The following PDE10A variants were observed in gnomAD, a reference collection of about 807,000 sequenced individuals.
PDE10A encodes the protein cAMP and cAMP-inhibited cGMP 3',5'-cyclic phosphodiesterase 10A.
A neutral mutation model predicts 97.7 loss-of-function variants in PDE10A; 39 were observed. The observed-to-expected ratio is 0.40, with a 90% CI of 0.31 to 0.52. The LOEUF is 0.52. Among genes scored for constraint, PDE10A ranks in the 20% least tolerant of loss-of-function variants. The probability of loss-of-function intolerance (pLI) is 0.56; values close to 1 mark genes in which losing one functional copy is unlikely to be tolerated. For missense variants in PDE10A, 731 were observed against 1,047.8 expected (o/e 0.70, Z 4.17); for synonymous variants, 371 against 376.8 (o/e 0.98, Z 0.18).
intron 1 of PDE10A, among the ~76,000 whole-genome samples, chr6:165,642,362 G>T (rs1221525226): frequency 6.6e-6 from 1 of 152,220 alleles, no homozygotes; most frequent in African/African-American, 2.4e-5. Context: ...GGTCATGGAC[G>T]TCCATCTGTG....
At chr6:165,789,568 A>G (rs1335010684) in intron 1 of PDE10A, among the ~76,000 whole-genome samples, 2 of 152,216 alleles carry the variant, frequency 1.3e-5, no homozygotes, top group Non-Finnish European at 2.9e-5. Context: ...TTTGGTTAAA[A>G]TAATAATTAC....
intron 1 of PDE10A, among the ~76,000 whole-genome samples, chr6:165,643,028 C>T (rs1000449754): frequency 1.3e-5 from 2 of 152,196 alleles, no homozygotes; most frequent in Admixed American, 6.5e-5. Context: ...AGCCATTCTC[C>T]AGTGGCAAGT....
chr6:165,373,245 A>C (rs9459402), intron 18 of PDE10A, among the ~76,000 whole-genome samples: 67,185 of 148,900 alleles, frequency 0.45, 15,661 homozygotes, highest in African/African-American at 0.59. Context: ...TAATTAAACT[A>C]AAGAGCTTCT....
At chr6:165,748,008 A>C (rs1223679519) in intron 1 of PDE10A, among the ~76,000 whole-genome samples, 1 of 152,092 alleles carries the variant, frequency 6.6e-6, no homozygotes, top group Non-Finnish European at 1.5e-5. Context: ...CAATAGCCCC[A>C]ATTGGTGCTC....
chr6:165,954,875 AG>A (rs1157570413), intron 1 of PDE10A, among the ~76,000 whole-genome samples: 2 of 152,032 alleles, frequency 1.3e-5, no homozygotes, highest in Admixed American at 1.3e-4. Flanking sequence ...AGCAGAGACA[AG>A]CAAGGGAGAA....
intron 1 of PDE10A, among the ~76,000 whole-genome samples, chr6:165,969,312 G>T (rs1562334000): frequency 6.6e-6 from 1 of 152,162 alleles, no homozygotes; most frequent in Admixed American, 6.5e-5. Flanking sequence ...TAGAGGAGGA[G>T]GGTGGTGGCT....
chr6:165,748,388 T>G (rs910793672), intron 1 of PDE10A, among the ~76,000 whole-genome samples: 5 of 152,198 alleles, frequency 3.3e-5, no homozygotes, highest in African/African-American at 1.2e-4. Flanking sequence ...TCAGTCTGGG[T>G]ACTGTGCTTT....
At chr6:165,766,674 G>T (rs994513860) in intron 1 of PDE10A, among the ~76,000 whole-genome samples, 1 of 152,216 alleles carries the variant, frequency 6.6e-6, no homozygotes, top group Non-Finnish European at 1.5e-5. Flanking sequence ...TTTTGTATAA[G>T]CCAGGAAATG....
At chr6:165,616,593 T>C (rs1265950718) in intron 1 of PDE10A, among the ~76,000 whole-genome samples, 1 of 152,196 alleles carries the variant, frequency 6.6e-6, no homozygotes, top group Non-Finnish European at 1.5e-5. Context: ...ATGTTAACGC[T>C]CTTGGCTTGG....
chr6:165,443,002 C>T (rs1242477303), intron 5 of PDE10A, among the ~76,000 whole-genome samples: 1 of 150,598 alleles, frequency 6.6e-6, no homozygotes, highest in Non-Finnish European at 1.5e-5. Context: ...GTCCCAGCTA[C>T]TCAGGAGGTT....
At chr6:165,787,698 A>C (rs1162988190) in intron 1 of PDE10A, among the ~76,000 whole-genome samples, 1 of 152,198 alleles carries the variant, frequency 6.6e-6, no homozygotes, top group Admixed American at 6.5e-5. Flanking sequence ...TCCATTCAAT[A>C]AAACTCATTG....
intron 1 of PDE10A, among the ~76,000 whole-genome samples, chr6:165,967,316 G>A (rs897126827): frequency 6.6e-6 from 1 of 152,208 alleles, no homozygotes; most frequent in Non-Finnish European, 1.5e-5. Flanking sequence ...GGCCATCATG[G>A]TGAAACCCCA....
At chr6:165,801,183 C>T (rs566925775) in intron 1 of PDE10A, among the ~76,000 whole-genome samples, 4 of 152,348 alleles carry the variant, frequency 2.6e-5, no homozygotes, top group African/African-American at 7.2e-5. Flanking sequence ...ACATCATTGT[C>T]ATGAACAGCA....
chr6:165,777,643 A>G (rs1240587603), intron 1 of PDE10A, among the ~76,000 whole-genome samples: 2 of 152,124 alleles, frequency 1.3e-5, no homozygotes, highest in African/African-American at 4.8e-5. Flanking sequence ...GAGCAAAACC[A>G]CTCTGAAGCC....
chr6:165,817,250 T>G (rs947486012), intron 1 of PDE10A, among the ~76,000 whole-genome samples: 1 of 152,102 alleles, frequency 6.6e-6, no homozygotes. Flanking sequence ...GTCTGACAGC[T>G]TCTGCTACAA....
At chr6:165,464,191 C>A (rs900008342) in intron 3 of PDE10A, among the ~76,000 whole-genome samples, 1 of 151,550 alleles carries the variant, frequency 6.6e-6, no homozygotes, top group South Asian at 2.1e-4. Flanking sequence ...TACATACACA[C>A]ACATACACAC....
chr6:165,925,940 C>T (rs1369284972), intron 1 of PDE10A, among the ~76,000 whole-genome samples: 1 of 152,164 alleles, frequency 6.6e-6, no homozygotes, highest in Non-Finnish European at 1.5e-5. Context: ...ATTACCATAG[C>T]AGACTGTAGT....
Position 165,343,522 on chromosome 6 carries a change from G to T in PDE10A, c.2784-20C>A. ...CGGTCTCTAGAACACAACAATATAA[G>T]ACTGGTCAGCATAGCATTTGCACAT... On this transcript the variant is annotated intron_variant, in intron 18 of 21. Coordinates refer to ENST00000539869, the MANE Select transcript of PDE10A (RefSeq NM_001385079.1). 1.3e-6 allele frequency: 2 copies of T among 1,532,432 alleles called. No individual in the cohort carries two copies. Among genetic ancestry groups the T allele is most frequent in the Non-Finnish European group, 9.0e-7 (1 of 1,105,666 alleles). 94.9% of individuals were successfully genotyped at this position (1,532,432 alleles called of 1,614,324 possible). A position where few individuals can be genotyped will look rare whatever the true frequency, so the allele number is the denominator to read the frequency against.
chr6:165,543,655 G>A (rs528501408), intron 1 of PDE10A, 87 bp from the exon 2 acceptor site: 65 of 1,028,900 alleles, frequency 6.3e-5, no homozygotes, highest in Non-Finnish European at 8.7e-5. Flanking sequence ...ATTATGCTAA[G>A]ACCCAGCAAC....
Sources: gnomAD v4.1 joint callset for allele counts (sites outside exome capture counted in the v4.1 genomes callset) on GRCh38, gnomAD v4.1.1 for gene constraint, MANE v1.5 for transcripts, NCBI Gene and HGNC (gene_info 2026-07-23, HGNC 2026-07-21) for gene names.